The following LRRC4C variants were observed in gnomAD, a reference collection of about 807,000 sequenced individuals.
LRRC4C encodes leucine rich repeat containing 4C.
In LRRC4C, 5 loss-of-function variants were observed where a neutral mutation model predicts 33.6. The ratio of observed to expected loss-of-function variants is 0.15; its 90% CI spans 0.08 to 0.31. The LOEUF is 0.31. Ranked by LOEUF, LRRC4C falls within the 10% of genes least tolerant of loss-of-function variation. LRRC4C has a pLI of 1.00. For synonymous variants in LRRC4C, 329 were observed against 302.0 expected, an observed-to-expected ratio of 1.09 and a Z score of -0.93; for missense variants, 560 against 796.7, an observed-to-expected ratio of 0.70 and a Z score of 3.58.
chr11:41,082,535 G>C (rs1194818034), intron 1 of LRRC4C, among the ~76,000 whole-genome samples: 1 of 147,590 alleles, frequency 6.8e-6, no homozygotes, highest in Non-Finnish European at 1.5e-5. Context: ...TACATAGAAA[G>C]TCATTTAATT....
chr11:41,150,001 G>T (rs141026576), intron 1 of LRRC4C, among the ~76,000 whole-genome samples: 1 of 152,222 alleles, frequency 6.6e-6, no homozygotes, highest in African/African-American at 2.4e-5. Flanking sequence ...GTTCTCAAAA[G>T]TCAGGAGTTG....
intron 2 of LRRC4C, among the ~76,000 whole-genome samples, chr11:40,829,206 C>A (rs1157009341): frequency 6.6e-6 from 1 of 151,840 alleles, no homozygotes; most frequent in Non-Finnish European, 1.5e-5. Flanking sequence ...ATAAAGAGTA[C>A]AAATTTAGGC....
intron 5 of LRRC4C, among the ~76,000 whole-genome samples, chr11:40,169,529 T>C (rs1035363063): frequency 6.6e-6 from 1 of 152,156 alleles, no homozygotes; most frequent in South Asian, 2.1e-4. Context: ...TATATTTTAG[T>C]AGGTATATAA....
intron 4 of LRRC4C, among the ~76,000 whole-genome samples, chr11:40,267,553 G>T (rs545933801): frequency 6.6e-6 from 1 of 152,120 alleles, no homozygotes; most frequent in South Asian, 2.1e-4. Context: ...GGGTTTCACC[G>T]TGTTAGCCAG....
intron 1 of LRRC4C, among the ~76,000 whole-genome samples, chr11:41,210,037 C>A (rs1353649074): frequency 6.6e-6 from 1 of 152,104 alleles, no homozygotes; most frequent in Non-Finnish European, 1.5e-5. Context: ...CAGGTGTCTG[C>A]AAGCCAGAAA....
chr11:40,476,804 G>T, intron 3 of LRRC4C, among the ~76,000 whole-genome samples: 1 of 151,944 alleles, frequency 6.6e-6, no homozygotes, highest in East Asian at 1.9e-4. Flanking sequence ...GAATAAACTT[G>T]GTTCATGCAT....
At position 40,599,294 on chromosome 11, in the gene LRRC4C, A is replaced by T. The variant is rs1415140722; in HGVS notation, c.-270+48848T>A. Among the ~76,000 whole-genome samples, 7 of 114,120 alleles carry T rather than the reference A, an allele frequency of 6.1e-5. No individual in the cohort carries two copies. In the South Asian group the frequency reaches 7.6e-4, roughly 12 times the overall value. 74.9% of individuals were successfully genotyped at this position (114,120 alleles called of 152,430 possible). ...TGAGACCTATCTCTACAAAAATTTA[A>T]AAAAAAAATCACCAGGTTTCGTGGC... On this transcript the variant is annotated intron_variant, in intron 3 of 6. Coordinates refer to ENST00000528697, the MANE Select transcript of LRRC4C (RefSeq NM_001258419.2).
intron 2 of LRRC4C, among the ~76,000 whole-genome samples, chr11:40,749,606 A>G (rs1948588934): frequency 6.6e-6 from 1 of 151,804 alleles, no homozygotes; most frequent in African/African-American, 2.4e-5. Flanking sequence ...TTAGCAAATG[A>G]AGGAAATAAT....
intron 4 of LRRC4C, among the ~76,000 whole-genome samples, chr11:40,290,238 C>T (rs142682564): frequency 3.5e-4 from 53 of 152,204 alleles, no homozygotes; most frequent in Middle Eastern, 3.4e-3. Context: ...TGAGTCATTC[C>T]ATGTCTACAA....
intron 2 of LRRC4C, among the ~76,000 whole-genome samples, chr11:40,833,922 A>G (rs1309368583): frequency 6.6e-6 from 1 of 152,102 alleles, no homozygotes; most frequent in African/African-American, 2.4e-5. Context: ...AAATCCTTGA[A>G]TTTTTCATCT....
chr11:41,211,899 C>A (rs997820563), intron 1 of LRRC4C, among the ~76,000 whole-genome samples: 1 of 152,138 alleles, frequency 6.6e-6, no homozygotes, highest in Non-Finnish European at 1.5e-5. Context: ...CCCTGAGGAA[C>A]CGCCACACTA....
chr11:40,629,914 G>T (rs539460758), intron 3 of LRRC4C, among the ~76,000 whole-genome samples: 1 of 152,022 alleles, frequency 6.6e-6, no homozygotes, highest in Non-Finnish European at 1.5e-5. Flanking sequence ...GTTAAATGTG[G>T]TTAATATATT....
intron 5 of LRRC4C, among the ~76,000 whole-genome samples, chr11:40,199,768 G>A (rs957582180): frequency 2.0e-5 from 3 of 151,882 alleles, no homozygotes; most frequent in Non-Finnish European, 1.5e-5. Context: ...TCCCTTCTGG[G>A]AATTTTCCTT....
intron 2 of LRRC4C, among the ~76,000 whole-genome samples, chr11:40,717,705 A>G (rs1946801261): frequency 6.6e-6 from 1 of 152,106 alleles, no homozygotes; most frequent in Admixed American, 6.6e-5. Context: ...GATGATTATT[A>G]TTATACTATT....
At chr11:40,371,565 T>C (rs958297750) in intron 3 of LRRC4C, among the ~76,000 whole-genome samples, 6 of 152,212 alleles carry the variant, frequency 3.9e-5, no homozygotes, top group African/African-American at 1.4e-4. Flanking sequence ...TTGCTGAGTT[T>C]AAAGGCTCTT....
At chr11:41,428,024 C>T (rs976347871) in intron 1 of LRRC4C, among the ~76,000 whole-genome samples, 7 of 152,084 alleles carry the variant, frequency 4.6e-5, no homozygotes, top group Non-Finnish European at 7.4e-5. Context: ...CCTTCGCTGA[C>T]TCTCTTTTTG....
At chr11:40,468,460 T>C (rs1952762446) in intron 3 of LRRC4C, among the ~76,000 whole-genome samples, 1 of 152,168 alleles carries the variant, frequency 6.6e-6, no homozygotes, top group African/African-American at 2.4e-5. Flanking sequence ...TTGAATTCTA[T>C]TAATTTCACT....
chr11:40,492,797 C>G (rs1160304132), intron 3 of LRRC4C, among the ~76,000 whole-genome samples: 1 of 151,706 alleles, frequency 6.6e-6, no homozygotes, highest in Non-Finnish European at 1.5e-5. Flanking sequence ...CTGTCTTTCT[C>G]TATATATACA....
intron 1 of LRRC4C, among the ~76,000 whole-genome samples, chr11:41,103,932 C>T (rs544652546): frequency 2.2e-4 from 34 of 151,870 alleles, no homozygotes; most frequent in East Asian, 1.9e-4. Flanking sequence ...ATGCATATTC[C>T]GATGATGAAG....
Sources: allele counts gnomAD v4.1 joint callset (sites outside exome capture counted in the v4.1 genomes callset), GRCh38; gene constraint gnomAD v4.1.1; transcripts MANE v1.5; gene names NCBI Gene and HGNC (gene_info 2026-07-23, HGNC 2026-07-21).